Variants in NEDD4L observed in about 807,000 individuals in gnomAD.
The protein encoded by NEDD4L is NEDD4 like E3 ubiquitin protein ligase, also known as E3 ubiquitin-protein ligase NEDD4-like.
Under a neutral mutation model 148.9 loss-of-function variants are expected in NEDD4L, and 54 were observed. The observed-to-expected ratio is 0.36, with a 90% CI of 0.29 to 0.45. The LOEUF (loss-of-function observed/expected upper bound fraction) is 0.45. Ranked by LOEUF, NEDD4L falls within the 20% of genes least tolerant of loss-of-function variation. The pLI is 1.00. For synonymous variants in NEDD4L, 433 were observed against 440.7 expected (o/e 0.98, Z 0.22); for missense variants, 856 against 1,233.8 (o/e 0.69, Z 4.59).
At chr18:58,173,326 G>A (rs1224158496) in intron 2 of NEDD4L, among the ~76,000 whole-genome samples, 4 of 152,206 alleles carry the variant, frequency 2.6e-5, no homozygotes, top group African/African-American at 9.7e-5. Flanking sequence ...CAAACCAACT[G>A]TAGAATCTCA....
intron 19 of NEDD4L, among the ~76,000 whole-genome samples, chr18:58,362,405 G>A (rs769241672): frequency 1.3e-5 from 2 of 152,202 alleles, no homozygotes; most frequent in Non-Finnish European, 2.9e-5. Flanking sequence ...GCTGAGTCAC[G>A]TTTGTTCATC....
intron 5 of NEDD4L, among the ~76,000 whole-genome samples, chr18:58,284,457 G>C (rs958193489): frequency 2.0e-5 from 3 of 152,152 alleles, no homozygotes. Flanking sequence ...TGAATAATCT[G>C]TCTTTATTAT....
chr18:58,224,873 A>G (rs749652062), intron 2 of NEDD4L, among the ~76,000 whole-genome samples: 7 of 152,018 alleles, frequency 4.6e-5, no homozygotes, highest in Non-Finnish European at 8.8e-5. Flanking sequence ...TGATTTGTTT[A>G]TTTATATTTA....
chr18:58,303,689 G>A (rs571321128), intron 5 of NEDD4L, among the ~76,000 whole-genome samples: 19 of 152,316 alleles, frequency 1.2e-4, no homozygotes, highest in African/African-American at 4.3e-4. Flanking sequence ...AGGAAAAGCA[G>A]CTAGAGGATA....
chr18:58,344,652 T>G (rs1464242203), intron 16 of NEDD4L, among the ~76,000 whole-genome samples: 1 of 152,232 alleles, frequency 6.6e-6, no homozygotes, highest in Non-Finnish European at 1.5e-5. Flanking sequence ...GAAGATAATG[T>G]TACAGATTTG....
chr18:58,164,573 C>T (rs1203757576), intron 1 of NEDD4L, among the ~76,000 whole-genome samples: 2 of 152,180 alleles, frequency 1.3e-5, no homozygotes, highest in African/African-American at 4.8e-5. Flanking sequence ...CCAGGTTCAG[C>T]AATTCTCCTG....
chr18:58,341,238 TTCCTGGTGTTTATG>T, intron 14 of NEDD4L, 69 bp downstream of exon 14: 1 of 1,541,062 alleles, frequency 6.5e-7, no homozygotes, highest in Non-Finnish European at 8.8e-7. Flanking sequence ...CCGAACTCCT[TTCCTGGTGTTTATG>T]TATTGTTCTG....
At chr18:58,199,621 G>T (rs1053679080) in intron 2 of NEDD4L, among the ~76,000 whole-genome samples, 8 of 152,140 alleles carry the variant, frequency 5.3e-5, no homozygotes, top group African/African-American at 1.9e-4. Context: ...TCTCTGAAGT[G>T]GTGATTCTGA....
At chr18:58,138,505 G>A (rs1363384081) in intron 1 of NEDD4L, among the ~76,000 whole-genome samples, 2 of 152,146 alleles carry the variant, frequency 1.3e-5, no homozygotes, top group East Asian at 3.9e-4. Flanking sequence ...GAAGTAATGT[G>A]GGAAGTAAGC....
chr18:58,280,667 A>C (rs1304962689), intron 5 of NEDD4L, among the ~76,000 whole-genome samples: 1 of 152,186 alleles, frequency 6.6e-6, no homozygotes. Flanking sequence ...GCAGGGAAGC[A>C]GTATTGTGGG....
At position 58,383,302 on chromosome 18, in the gene NEDD4L, CA is replaced by C; in HGVS notation, c.2413del (p.Arg805GlyfsTer6). Reference sequence around the variant, plus strand: ...CAGAAATAATGGTCACAAATGAAAACAAAAGGGAATATATCGAGTATGTATA... The same window carrying C: ...CAGAAATAATGGTCACAAATGAAAACAAAGGGAATATATCGAGTATGTATA... ...GSEIMVTNEN[K>X]REYIDLVIQW... On this transcript the variant is annotated frameshift_variant, in exon 25 of 31. Coordinates refer to ENST00000400345, the MANE Select transcript of NEDD4L (RefSeq NM_001144967.3). LOFTEE classifies it high-confidence loss of function. The C allele has an allele frequency of 6.5e-7, 1 of 1,531,944 alleles. No homozygotes were observed. Among genetic ancestry groups the C allele is most frequent in the Non-Finnish European group, 8.9e-7 (1 of 1,128,338 alleles). The allele number at this position is 1,531,944 out of a possible 1,614,324, so 94.9% of individuals were successfully genotyped here. A position where few individuals can be genotyped will look rare whatever the true frequency, so the allele number is the denominator to read the frequency against.
At chr18:58,234,679 A>G (rs2045796842) in intron 2 of NEDD4L, among the ~76,000 whole-genome samples, 1 of 152,084 alleles carries the variant, frequency 6.6e-6, no homozygotes, top group Non-Finnish European at 1.5e-5. Flanking sequence ...CTGTTTCCAG[A>G]GAAGGTCACA....
At chr18:58,317,184 C>A (rs2058362844) in intron 6 of NEDD4L, among the ~76,000 whole-genome samples, 1 of 152,226 alleles carries the variant, frequency 6.6e-6, no homozygotes, top group Non-Finnish European at 1.5e-5. Flanking sequence ...TTGTTTGTTT[C>A]TTTTTAAAAC....
At chr18:58,262,631 GAAAA>G (rs11296007) in intron 5 of NEDD4L, among the ~76,000 whole-genome samples, 1 of 138,686 alleles carries the variant, frequency 7.2e-6, no homozygotes, top group Non-Finnish European at 1.5e-5. Context: ...TCTGTCTCAG[GAAAA>G]AAAAAAAAAA....
At chr18:58,274,391 C>A (rs577489141) in intron 5 of NEDD4L, among the ~76,000 whole-genome samples, 20 of 152,260 alleles carry the variant, frequency 1.3e-4, no homozygotes, top group African/African-American at 4.8e-4. Context: ...ACGTGAGCTC[C>A]CTGGAGTGTG....
At chr18:58,339,503 G>C (rs1000158075) in intron 13 of NEDD4L, among the ~76,000 whole-genome samples, 1 of 152,140 alleles carries the variant, frequency 6.6e-6, no homozygotes, top group Non-Finnish European at 1.5e-5. Flanking sequence ...TTCTGCTCCT[G>C]CTGAGTCTCC....
chr18:58,151,625 A>ATGTATGTGTGTGTGTGTGTG (rs2034765890), intron 1 of NEDD4L, among the ~76,000 whole-genome samples: 2 of 140,980 alleles, frequency 1.4e-5, no homozygotes. Context: ...GTGCCTGGAT[A>ATGTATGTGTGTGTGTGTGTG]TGTGTGTGTG....
intron 1 of NEDD4L, among the ~76,000 whole-genome samples, chr18:58,081,372 C>T (rs1004980726): frequency 5.3e-5 from 8 of 151,834 alleles, no homozygotes; most frequent in African/African-American, 1.2e-4. Context: ...CCTACCACCG[C>T]GCCCGGCTAA....
intron 2 of NEDD4L, among the ~76,000 whole-genome samples, chr18:58,208,820 C>T (rs1385720534): frequency 1.3e-5 from 2 of 152,112 alleles, no homozygotes; most frequent in African/African-American, 4.8e-5. Flanking sequence ...TGAAAATACT[C>T]CTCAGATATA....
Sources: gnomAD v4.1 joint callset for allele counts (sites outside exome capture counted in the v4.1 genomes callset) on GRCh38, gnomAD v4.1.1 for gene constraint, MANE v1.5 for transcripts, NCBI Gene and HGNC (gene_info 2026-07-23, HGNC 2026-07-21) for gene names.